The following RANBP10 variants were observed in gnomAD, a reference collection of about 807,000 sequenced individuals.
RANBP10 encodes ran-binding protein 10.
RANBP10 carries 24 observed loss-of-function variants against 72.8 expected under a neutral mutation model. That is an observed-to-expected ratio of 0.33 (90% CI 0.24 to 0.46). The LOEUF (loss-of-function observed/expected upper bound fraction) is 0.46, where lower values mean the gene tolerates loss of function less well. Among genes scored for constraint, RANBP10 ranks in the 20% least tolerant of loss-of-function variants. The pLI, the probability that RANBP10 is intolerant of heterozygous loss-of-function variation, is 1.00. For missense variants in RANBP10, 679 were observed against 817.5 expected, an observed-to-expected ratio of 0.83 and a Z score of 2.07; for synonymous variants, 310 against 322.3, an observed-to-expected ratio of 0.96 and a Z score of 0.41.
chr16:67,771,088 C>CT (rs1361971026), intron 3 of RANBP10, among the ~76,000 whole-genome samples: 1 of 152,152 alleles, frequency 6.6e-6, no homozygotes, highest in East Asian at 1.9e-4. Context: ...TGGCAGAACT[C>CT]TGTCTCTACA....
At chr16:67,728,895 T>C (rs745781228) in intron 10 of RANBP10, among the ~76,000 whole-genome samples, 8 of 152,250 alleles carry the variant, frequency 5.3e-5, no homozygotes, top group Non-Finnish European at 1.2e-4. Flanking sequence ...CTGGGGATGC[T>C]GAGAGCCACC....
chr16:67,776,025 G>C (rs2054698625), intron 2 of RANBP10, among the ~76,000 whole-genome samples: 1 of 151,546 alleles, frequency 6.6e-6, no homozygotes, highest in South Asian at 2.1e-4. Context: ...GGTGCCTGTA[G>C]TCCCAGCTAC....
At chr16:67,770,436 A>G (rs1454424253) in intron 3 of RANBP10, among the ~76,000 whole-genome samples, 2 of 152,022 alleles carry the variant, frequency 1.3e-5, no homozygotes, top group African/African-American at 4.8e-5. Context: ...AAATCAGTCT[A>G]CTAGAAAAAA....
chr16:67,754,941 T>C (rs1284399619), intron 3 of RANBP10, among the ~76,000 whole-genome samples: 1 of 152,174 alleles, frequency 6.6e-6, no homozygotes, highest in Non-Finnish European at 1.5e-5. Flanking sequence ...CCAACCCACT[T>C]GCAGGTATAA....
At chr16:67,778,784 C>T (rs1027134164) in intron 2 of RANBP10, among the ~76,000 whole-genome samples, 1 of 152,166 alleles carries the variant, frequency 6.6e-6, no homozygotes, top group African/African-American at 2.4e-5. Context: ...ACTATCGTTA[C>T]GGAAATGCAA....
At chr16:67,744,073 C>T (rs958504939) in intron 4 of RANBP10, 6 of 983,548 alleles carry the variant, frequency 6.1e-6, no homozygotes, top group Non-Finnish European at 7.2e-6. Context: ...CTCTCAGCAT[C>T]CTCCCTGGGC....
chr16:67,765,553 G>A (rs973059316), intron 3 of RANBP10, among the ~76,000 whole-genome samples: 3 of 151,684 alleles, frequency 2.0e-5, no homozygotes, highest in Non-Finnish European at 4.4e-5. Context: ...TAAATTAGTC[G>A]GGGCTGGGTG....
At chr16:67,769,053 TC>T (rs997618037) in intron 3 of RANBP10, among the ~76,000 whole-genome samples, 3 of 152,238 alleles carry the variant, frequency 2.0e-5, no homozygotes, top group Admixed American at 6.5e-5. Flanking sequence ...GTTTGTTTTC[TC>T]TTTTTTTTGC....
At chr16:67,769,464 T>TAAAAAAAAAAAA (rs1353210626) in intron 3 of RANBP10, among the ~76,000 whole-genome samples, 2 of 9,184 alleles carry the variant, frequency 2.2e-4, no homozygotes, top group African/African-American at 7.1e-4. Flanking sequence ...AAAAAAAAAG[T>TAAAAAAAAAAAA]GCTGGGCGCA....
At chr16:67,799,753 C>T in intron 2 of RANBP10, among the ~76,000 whole-genome samples, 1 of 152,144 alleles carries the variant, frequency 6.6e-6, no homozygotes, top group East Asian at 1.9e-4. Context: ...CAGGCCACCC[C>T]TGGATATGAC....
Position 67,729,203 on chromosome 16 carries a change from C to A in RANBP10, c.1352+77G>T. On this transcript the variant is annotated intron_variant, in intron 10 of 13. Transcript: ENST00000317506. This position sits in a 1 kb window ranked among gnomAD's most constrained non-coding sequence, Gnocchi z 7.1. ...TGGAGGCTGGGGGTGAAGGGCAGGG[C>A]GCTCAAAGGACAGACTGCAATGGGC... The A allele has an allele frequency of 1.3e-6, 2 of 1,561,188 alleles. No individual in the cohort carries two copies. The highest frequency in any genetic ancestry group is 1.7e-6 in the Non-Finnish European group (2 of 1,153,068).
chr16:67,803,819 C>A (rs1204248146), intron 2 of RANBP10, among the ~76,000 whole-genome samples: 2 of 141,736 alleles, frequency 1.4e-5, no homozygotes, highest in Non-Finnish European at 3.0e-5. Flanking sequence ...CAGAGCAAGA[C>A]CCCATCTCAT....
rs540075944 is a variant in RANBP10, at chr16:67,727,558, G to C, written c.1621-120C>G. 2.2e-4 allele frequency: 291 copies of C among 1,313,978 alleles called. 1 individual carries two copies. Among genetic ancestry groups the C allele is most frequent in the Non-Finnish European group, 2.9e-4 (273 of 936,738 alleles). The allele number at this position is 1,313,978 out of a possible 1,614,324, so 81.4% of individuals were successfully genotyped here. A position where few individuals can be genotyped will look rare whatever the true frequency, so the allele number is the denominator to read the frequency against. On this transcript the variant is annotated intron_variant, in intron 12 of 13. Coordinates refer to ENST00000317506, the MANE Select transcript of RANBP10 (RefSeq NM_020850.3). The stretch of plus-strand genomic sequence containing the variant: ...CCCAGCCTGGAATGTGGGGTGTAGG[G>C]TCGGGCAGGGCTGTACTCTCCCCAG...
Position 67,727,697 on chromosome 16 carries a change from T to C in RANBP10, c.1620+54A>G, listed in dbSNP as rs541450490. On this transcript the variant is annotated intron_variant, in intron 12 of 13. Coordinates refer to ENST00000317506, the MANE Select transcript of RANBP10 (RefSeq NM_020850.3). ...CCCCTGGACTCTCCCAGAGCCACCC[T>C]GCCCCCAACACCAAATGGGGCCTGC... is the stretch of plus-strand genomic sequence containing the variant. 2.8e-5 allele frequency: 45 copies of C among 1,611,768 alleles called. No individual in the cohort carries two copies. The South Asian group carries it at 4.7e-4, about 17-fold the overall frequency.
At chr16:67,744,585 A>G (rs1406217598) in intron 3 of RANBP10, 130 bp from the exon 4 acceptor site, 8 of 971,604 alleles carry the variant, frequency 8.2e-6, no homozygotes, top group African/African-American at 3.3e-5. Flanking sequence ...CTTGGCTTCT[A>G]GCAGAGCCAC....
Position 67,729,908 on chromosome 16 carries a change from C to A in RANBP10, c.998+30G>T, listed in dbSNP as rs1216827138. On this transcript the variant is annotated intron_variant, in intron 8 of 13. Coordinates refer to ENST00000317506, the MANE Select transcript of RANBP10 (RefSeq NM_020850.3). The surrounding 1 kb of genome is among the most constrained non-coding windows in gnomAD (Gnocchi z 7.1). ...ACCACCAGCTGAGAGGGGCTGGACT[C>A]TGGGGGAGCTGGGGGTGCCCAAGAC... 1 of 1,613,606 alleles carries A rather than the reference C, an allele frequency of 6.2e-7. No individual in the cohort carries two copies. Among genetic ancestry groups the A allele is most frequent in the Non-Finnish European group, 8.5e-7 (1 of 1,179,936 alleles).
At chr16:67,805,033 G>A (rs193160518) in intron 2 of RANBP10, among the ~76,000 whole-genome samples, 1 of 152,244 alleles carries the variant, frequency 6.6e-6, no homozygotes, top group African/African-American at 2.4e-5. Context: ...AAGGCTACCA[G>A]GGCCTCCACA....
chr16:67,745,413 C>T (rs1232700213), intron 3 of RANBP10, among the ~76,000 whole-genome samples: 1 of 152,076 alleles, frequency 6.6e-6, no homozygotes, highest in Non-Finnish European at 1.5e-5. Flanking sequence ...TGGCTCACTG[C>T]AACCTCTGCC....
At chr16:67,761,279 GA>G (rs2054390840) in intron 3 of RANBP10, among the ~76,000 whole-genome samples, 1 of 152,194 alleles carries the variant, frequency 6.6e-6, no homozygotes, top group African/African-American at 2.4e-5. Context: ...ACTGGAGAGG[GA>G]CTTTCTGTTA....
Sources: allele counts gnomAD v4.1 joint callset (sites outside exome capture counted in the v4.1 genomes callset), GRCh38; gene constraint gnomAD v4.1.1; non-coding constraint Gnocchi (gnomAD v3.1); transcripts MANE v1.5; gene names NCBI Gene and HGNC (gene_info 2026-07-23, HGNC 2026-07-21).